Variants in TANC2 observed in about 807,000 individuals in gnomAD.
The protein encoded by TANC2 is protein TANC2.
In TANC2, 26 loss-of-function variants were observed where a neutral mutation model predicts 210.5. The observed-to-expected ratio is 0.12, with a 90% CI of 0.09 to 0.17. The LOEUF (loss-of-function observed/expected upper bound fraction) is 0.17. Among genes scored for constraint, TANC2 ranks in the 10% least tolerant of loss-of-function variants. TANC2 has a pLI of 1.00. For synonymous variants in TANC2, 931 were observed against 967.1 expected (o/e 0.96, Z 0.69); for missense variants, 2,129 against 2,608.9 (o/e 0.82, Z 4.01).
chr17:63,013,622 C>T (rs1413202014), intron 2 of TANC2, among the ~76,000 whole-genome samples: 1 of 152,118 alleles, frequency 6.6e-6, no homozygotes, highest in East Asian at 1.9e-4. Flanking sequence ...ATTAGCCAGA[C>T]GTGTTGGCAC....
At chr17:63,050,359 G>GAA (rs755089558) in intron 2 of TANC2, among the ~76,000 whole-genome samples, 45 of 84,870 alleles carry the variant, frequency 5.3e-4, no homozygotes, top group African/African-American at 1.0e-3. Context: ...CCTGTTTCAA[G>GAA]AAAAAAAAAA....
At chr17:63,325,111 A>G (rs901469874) in intron 11 of TANC2, among the ~76,000 whole-genome samples, 4 of 151,920 alleles carry the variant, frequency 2.6e-5, no homozygotes, top group African/African-American at 7.3e-5. Context: ...TGTCCTGTCT[A>G]CTATAGGATA....
intron 9 of TANC2, among the ~76,000 whole-genome samples, chr17:63,273,755 CT>C (rs1486594298): frequency 1.3e-5 from 2 of 152,194 alleles, no homozygotes; most frequent in Non-Finnish European, 2.9e-5. Flanking sequence ...AGTAGGCGAG[CT>C]TAGTGGCTCT....
chr17:63,317,569 A>T (rs2045354953), intron 10 of TANC2, among the ~76,000 whole-genome samples: 1 of 152,178 alleles, frequency 6.6e-6, no homozygotes, highest in South Asian at 2.1e-4. Context: ...GGAAGCTCTA[A>T]TACAAGACTG....
At chr17:63,083,602 G>GA (rs2036855768) in intron 3 of TANC2, among the ~76,000 whole-genome samples, 1 of 152,216 alleles carries the variant, frequency 6.6e-6, no homozygotes, top group East Asian at 1.9e-4. Flanking sequence ...AAAATGCAAG[G>GA]AAAAAACATA....
At chr17:63,287,098 A>G (rs1221852110) in intron 9 of TANC2, among the ~76,000 whole-genome samples, 1 of 151,960 alleles carries the variant, frequency 6.6e-6, no homozygotes. Flanking sequence ...ACACTTGGCT[A>G]ATTTTTCTAT....
At chr17:63,192,718 A>G (rs946062257) in intron 5 of TANC2, among the ~76,000 whole-genome samples, 2 of 152,214 alleles carry the variant, frequency 1.3e-5, no homozygotes, top group African/African-American at 4.8e-5. Context: ...AATAATTTCT[A>G]CCTTAGAAAG....
At chr17:63,345,329 C>T (rs1164178233) in intron 12 of TANC2, among the ~76,000 whole-genome samples, 1 of 152,106 alleles carries the variant, frequency 6.6e-6, no homozygotes, top group Non-Finnish European at 1.5e-5. Context: ...ATAGATTAAA[C>T]ATAATCCTGG....
At chr17:63,127,935 T>C (rs2145194049) in intron 4 of TANC2, among the ~76,000 whole-genome samples, 1 of 152,326 alleles carries the variant, frequency 6.6e-6, no homozygotes, top group East Asian at 1.9e-4. Context: ...AGATGTATAT[T>C]AGAGGCCAGT....
intron 1 of TANC2, among the ~76,000 whole-genome samples, chr17:62,987,277 G>A (rs951759655): frequency 6.6e-6 from 1 of 152,146 alleles, no homozygotes; most frequent in Non-Finnish European, 1.5e-5. Context: ...CCACTGGTGT[G>A]GAATTCGTAG....
rs145027508 is a variant in TANC2, at chr17:63,327,913, A to G, written c.1575+8823A>G. Among the ~76,000 whole-genome samples, 74 of 152,184 alleles carry G rather than the reference A, an allele frequency of 4.9e-4. 3 individuals carry two copies. The East Asian group carries it at 0.013, about 27-fold the overall frequency. On this transcript the variant is annotated intron_variant, in intron 11 of 27. Transcript: ENST00000689528. ...AGCATTAGGTATAACTGCTAATGCT[A>G]TCCCTCCCCACTCCCCCCACCTCAC... is the stretch of plus-strand genomic sequence containing the variant.
intron 3 of TANC2, among the ~76,000 whole-genome samples, chr17:63,092,271 A>G (rs189665247): frequency 1.4e-4 from 21 of 152,208 alleles, no homozygotes; most frequent in Admixed American, 1.2e-3. Flanking sequence ...GTCATATGGT[A>G]GGTTTACTTA....
At position 63,420,291 on chromosome 17, in the gene TANC2, C is replaced by A. The variant is rs745596388; in HGVS notation, c.4561C>A (p.Leu1521Ile). The A allele has an allele frequency of 1.5e-5, 24 of 1,613,684 alleles. No homozygotes were observed. Among genetic ancestry groups the A allele is most frequent in the Non-Finnish European group, 1.9e-5 (23 of 1,179,832 alleles). Reference sequence around the variant, plus strand: ...GACAGAGGCCCGGCCCAGCCAGGGGCTCCCGGTCATCCAGAGCCCACCCTC... The same window carrying A: ...GACAGAGGCCCGGCCCAGCCAGGGGATCCCGGTCATCCAGAGCCCACCCTC... The change falls in exon 28 of 28, where the codon CTC (leucine) becomes ATC (isoleucine). Residue 1521 changes from leucine to isoleucine, a missense_variant. By Grantham distance (5) the Leu-to-Ile change is conservative (BLOSUM62 2). Around this residue, in one of 5 missense-constraint regions of TANC2, gnomAD observed 584 missense variants for 627.3 expected, o/e 0.93. Transcript: ENST00000689528. This position sits in a 1 kb window ranked among gnomAD's most constrained non-coding sequence, Gnocchi z 4.2.
At chr17:63,239,938 C>T (rs976242310) in intron 8 of TANC2, among the ~76,000 whole-genome samples, 1 of 152,014 alleles carries the variant, frequency 6.6e-6, no homozygotes, top group African/African-American at 2.4e-5. Context: ...GAGGAGGTTG[C>T]ACACACTTTT....
intron 2 of TANC2, among the ~76,000 whole-genome samples, chr17:63,038,156 A>T (rs1383307955): frequency 6.6e-6 from 1 of 152,152 alleles, no homozygotes; most frequent in Admixed American, 6.5e-5. Flanking sequence ...TGCTAGCTGT[A>T]GATATTTTAT....
At chr17:63,013,753 C>A (rs970256090) in intron 2 of TANC2, among the ~76,000 whole-genome samples, 43 of 130,442 alleles carry the variant, frequency 3.3e-4, no homozygotes, top group African/African-American at 1.3e-3. Context: ...CAGAGTGAGA[C>A]CCTGTCTTTA....
At chr17:63,112,915 C>G (rs535722392) in intron 4 of TANC2, among the ~76,000 whole-genome samples, 2 of 152,194 alleles carry the variant, frequency 1.3e-5, no homozygotes, top group Non-Finnish European at 1.5e-5. Flanking sequence ...TGTGACCTTC[C>G]CCAGAAAACT....
At chr17:63,309,291 C>T (rs2045036398) in intron 9 of TANC2, among the ~76,000 whole-genome samples, 1 of 152,120 alleles carries the variant, frequency 6.6e-6, no homozygotes, top group African/African-American at 2.4e-5. Flanking sequence ...AATGTCGGTT[C>T]TCTAAAAGTT....
chr17:63,147,304 C>A (rs1360312336), intron 4 of TANC2, among the ~76,000 whole-genome samples: 1 of 152,042 alleles, frequency 6.6e-6, no homozygotes, highest in African/African-American at 2.4e-5. Flanking sequence ...GACCTGAGAT[C>A]ACACCACTGC....
Sources: gnomAD v4.1 joint callset for allele counts (sites outside exome capture counted in the v4.1 genomes callset) on GRCh38, gnomAD v4.1.1 for gene constraint, gnomAD v4.1.1 regional missense constraint, Gnocchi (gnomAD v3.1) non-coding constraint, MANE v1.5 for transcripts, NCBI Gene and HGNC (gene_info 2026-07-23, HGNC 2026-07-21) for gene names.